Variants in EDIL3 observed in about 807,000 individuals in gnomAD.
The protein encoded by EDIL3 is EGF-like repeat and discoidin I-like domain-containing protein 3.
In EDIL3, 37 loss-of-function variants were observed where a neutral mutation model predicts 67.4. The observed-to-expected ratio is 0.55, with a 90% CI of 0.42 to 0.72. The LOEUF is 0.72. Among genes scored for constraint, EDIL3 ranks in the 30% least tolerant of loss-of-function variants. The pLI is 0.00. For synonymous variants in EDIL3, 195 were observed against 196.3 expected, an observed-to-expected ratio of 0.99 and a Z score of 0.05; for missense variants, 527 against 586.3, an observed-to-expected ratio of 0.90 and a Z score of 1.04.
chr5:84,341,968 G>GAT (rs1747126190), intron 1 of EDIL3, among the ~76,000 whole-genome samples: 1 of 151,810 alleles, frequency 6.6e-6, no homozygotes, highest in Non-Finnish European at 1.5e-5. Flanking sequence ...CTGTGCTATG[G>GAT]CCATAGACCT....
intron 1 of EDIL3, among the ~76,000 whole-genome samples, chr5:84,368,149 C>T (rs557012059): frequency 6.6e-6 from 1 of 151,964 alleles, no homozygotes; most frequent in South Asian, 2.1e-4. Flanking sequence ...TAAAGACCAT[C>T]CTAAGACCAT....
chr5:84,346,804 C>T lies in EDIL3; in HGVS notation c.67+37504G>A, dbSNP rs556851693. ...CTAATAAGATGTATGTCTAGAGCCA[C>T]CGATAATCATCATGTTTCTGTATCA... On this transcript the variant is annotated intron_variant, in intron 1 of 10. Transcript: ENST00000296591. 2.2e-5 allele frequency among the ~76,000 whole-genome samples: 3 copies of T among 137,954 alleles called. No individual in the cohort carries two copies. In the South Asian group the frequency reaches 6.9e-4, roughly 32 times the overall value. 90.5% of individuals were successfully genotyped at this position (137,954 alleles called of 152,430 possible).
intron 1 of EDIL3, among the ~76,000 whole-genome samples, chr5:84,363,658 T>C (rs139680951): frequency 6.3e-4 from 96 of 152,184 alleles, no homozygotes; most frequent in African/African-American, 2.1e-3. Flanking sequence ...CCTGAAAAAA[T>C]TGAAATTTTG....
At chr5:84,262,665 T>TTTTTTTTTTTTTTTTTTTTTTTG (rs1745254184) in intron 1 of EDIL3, among the ~76,000 whole-genome samples, 1 of 94,608 alleles carries the variant, frequency 1.1e-5, no homozygotes, top group Non-Finnish European at 2.0e-5. Flanking sequence ...GTTGGTTTTT[T>TTTTTTTTTTTTTTTTTTTTTTTG]TTTTTTTTTT....
Position 84,360,280 on chromosome 5 carries a change from G to A in EDIL3, c.67+24028C>T, listed in dbSNP as rs145713015. On this transcript the variant is annotated intron_variant, in intron 1 of 10. Coordinates refer to ENST00000296591, the MANE Select transcript of EDIL3 (RefSeq NM_005711.5). Reference sequence around the variant, plus strand: ...GAGGTCAAAGAACAGGTATTGCAGCGGTCACTGAGTAATTCAGAATCTAAT... The same window carrying A: ...GAGGTCAAAGAACAGGTATTGCAGCAGTCACTGAGTAATTCAGAATCTAAT... Among the ~76,000 whole-genome samples the A allele has an allele frequency of 4.2e-3, 636 of 152,236 alleles. 3 individuals carry two copies. Among genetic ancestry groups the A allele is most frequent in the African/African-American group, 0.014 (583 of 41,550 alleles).
intron 9 of EDIL3, among the ~76,000 whole-genome samples, chr5:84,043,408 A>G (rs1746166390): frequency 6.6e-6 from 1 of 152,236 alleles, no homozygotes; most frequent in Non-Finnish European, 1.5e-5. Context: ...GATATGAACA[A>G]AAAATTGATG....
At chr5:84,305,890 A>G (rs1247635204) in intron 1 of EDIL3, among the ~76,000 whole-genome samples, 1 of 133,602 alleles carries the variant, frequency 7.5e-6, no homozygotes, top group Non-Finnish European at 1.7e-5. Flanking sequence ...AAAGTAAATA[A>G]ATAAATAAAT....
chr5:84,308,206 C>A (rs898140292), intron 1 of EDIL3, among the ~76,000 whole-genome samples: 4 of 151,996 alleles, frequency 2.6e-5, no homozygotes, highest in African/African-American at 7.3e-5. Flanking sequence ...GCTAACAGGT[C>A]CTCTTAATTG....
chr5:84,199,362 C>T (rs1489947993), intron 3 of EDIL3, among the ~76,000 whole-genome samples: 2 of 151,938 alleles, frequency 1.3e-5, no homozygotes, highest in Non-Finnish European at 2.9e-5. Flanking sequence ...AAACAACTGA[C>T]CTCAAAACAT....
intron 9 of EDIL3, among the ~76,000 whole-genome samples, chr5:84,025,895 A>G (rs1745801859): frequency 6.6e-6 from 1 of 152,232 alleles, no homozygotes; most frequent in Non-Finnish European, 1.5e-5. Flanking sequence ...AGCCTTTGCC[A>G]CATCACTAAA....
At chr5:84,061,048 T>C (rs2112236085) in intron 8 of EDIL3, among the ~76,000 whole-genome samples, 1 of 152,294 alleles carries the variant, frequency 6.6e-6, no homozygotes, top group South Asian at 2.1e-4. Context: ...ACATGGCTTC[T>C]TCTGTAAGAG....
In EDIL3 at chr5:84,193,547, A is replaced by ATATAGTGG. The variant is rs1743635869; in HGVS notation, c.227-13027_227-13026insCCACTATA. On this transcript the variant is annotated intron_variant, in intron 3 of 10. Coordinates refer to ENST00000296591, the MANE Select transcript of EDIL3 (RefSeq NM_005711.5). ...TTAGTGTTTGTGGAAATAGATGGCG[A>ATATAGTGG]TTAGTGGGTAAGGATATAGTTGCCT... 5.9e-5 allele frequency among the ~76,000 whole-genome samples: 9 copies of ATATAGTGG among 152,026 alleles called. No individual in the cohort carries two copies. The South Asian group carries it at 1.7e-3, about 28-fold the overall frequency.
chr5:84,145,128 A>G (rs545985081), intron 4 of EDIL3, among the ~76,000 whole-genome samples: 17 of 152,292 alleles, frequency 1.1e-4, no homozygotes, highest in African/African-American at 3.4e-4. Context: ...ACAGACAATT[A>G]TAATACAATA....
intron 1 of EDIL3, among the ~76,000 whole-genome samples, chr5:84,334,120 G>A (rs1408281925): frequency 6.7e-6 from 1 of 150,166 alleles, no homozygotes; most frequent in Non-Finnish European, 1.5e-5. Context: ...AGGTGGGAGT[G>A]CAGTGGTGCT....
At chr5:84,019,134 T>C (rs1208911997) in intron 9 of EDIL3, among the ~76,000 whole-genome samples, 1 of 152,132 alleles carries the variant, frequency 6.6e-6, no homozygotes, top group African/African-American at 2.4e-5. Context: ...AGCAAAGACT[T>C]GGAACCAACC....
intron 9 of EDIL3, among the ~76,000 whole-genome samples, chr5:84,001,951 AAAAT>A (rs919682803): frequency 2.3e-4 from 35 of 152,170 alleles, no homozygotes; most frequent in African/African-American, 8.4e-4. Flanking sequence ...ACACATCAAA[AAAAT>A]AAATAAATAT....
chr5:84,153,383 G>A (rs539698022), intron 4 of EDIL3, among the ~76,000 whole-genome samples: 25 of 152,078 alleles, frequency 1.6e-4, no homozygotes, highest in African/African-American at 5.1e-4. Flanking sequence ...TGCAACCTCC[G>A]CCTCCCAGGT....
At chr5:84,049,921 C>T (rs34524806) in intron 9 of EDIL3, among the ~76,000 whole-genome samples, 28,628 of 151,870 alleles carry the variant, frequency 0.19, 3,014 homozygotes, top group Admixed American at 0.24. Flanking sequence ...ATCACACGGC[C>T]GGGCGCGGTG....
At chr5:84,203,868 G>A (rs763877107) in intron 3 of EDIL3, among the ~76,000 whole-genome samples, 82 of 152,066 alleles carry the variant, frequency 5.4e-4, no homozygotes, top group Non-Finnish European at 4.6e-4. Flanking sequence ...TAAGGAAGGC[G>A]TATATCACAT....
Sources: allele counts gnomAD v4.1 joint callset (sites outside exome capture counted in the v4.1 genomes callset), GRCh38; gene constraint gnomAD v4.1.1; transcripts MANE v1.5; gene names NCBI Gene and HGNC (gene_info 2026-07-23, HGNC 2026-07-21).